Variants in THAP6 observed in about 807,000 individuals in gnomAD.
THAP6 encodes the protein THAP domain-containing protein 6.
In THAP6, 13 loss-of-function variants were observed where a neutral mutation model predicts 20.0. The ratio of observed to expected loss-of-function variants is 0.65; its 90% CI spans 0.42 to 1.03. The LOEUF is 1.03. Among genes scored for constraint, THAP6 ranks in the 50% least tolerant of loss-of-function variants. The probability of loss-of-function intolerance (pLI) is 0.00; values close to 1 mark genes in which losing one functional copy is unlikely to be tolerated. For synonymous variants in THAP6, 93 were observed against 92.2 expected (o/e 1.01, Z -0.05); for missense variants, 262 against 261.6 (o/e 1.00, Z -0.01).
Position 75,538,923 on chromosome 4 carries a change from G to A in THAP6, c.166-3486G>A, listed in dbSNP as rs558820649. Among the ~76,000 whole-genome samples, 9 of 152,276 alleles carry A rather than the reference G, an allele frequency of 5.9e-5. No individual in the cohort carries two copies. In the East Asian group the frequency reaches 1.5e-3, roughly 26 times the overall value. On this transcript the variant is annotated intron_variant, in intron 2 of 4. Coordinates refer to the THAP6 transcript ENST00000502620. ...TTTGTAATCTAAGAACCACATGAGGGTCCATGATGAGCACTAGTCACAGCA... is the reference window on the plus strand; with the variant it reads ...TTTGTAATCTAAGAACCACATGAGGATCCATGATGAGCACTAGTCACAGCA...
intron 3 of THAP6, chr4:75,544,207 ACT>A (rs1727075253): frequency 1.3e-5 from 2 of 151,214 alleles, no homozygotes; most frequent in African/African-American, 4.9e-5. Context: ...CCACACCCTC[ACT>A]CTCTCCCCTC....
rs991994292 is a variant in THAP6, at chr4:75,529,362, C to T, written c.*2148C>T. On this transcript the variant is annotated 3_prime_UTR_variant, in exon 5 of 5. Transcript: ENST00000311638. ...TCCCAGTCTGCCACTATCAAAATTG[C>T]CACAGTCACTTTTACTACTTGTGTT... 1 of 985,404 alleles carries T rather than the reference C, an allele frequency of 1.0e-6. No homozygotes were observed. Among genetic ancestry groups the T allele is most frequent in the Non-Finnish European group, 1.2e-6 (1 of 829,928 alleles). 61.0% of individuals were successfully genotyped at this position (985,404 alleles called of 1,614,324 possible).
At chr4:75,534,607 C>T (rs1354699327), downstream of THAP6, among the ~76,000 whole-genome samples, 15 of 152,090 alleles carry the variant, frequency 9.9e-5, no homozygotes, top group African/African-American at 2.7e-4. Flanking sequence ...AAAGAAACTA[C>T]CATCAGAGTG....
At chr4:75,519,388 T>C (rs910395728) in intron 3 of THAP6, among the ~76,000 whole-genome samples, 2 of 152,002 alleles carry the variant, frequency 1.3e-5, no homozygotes, top group African/African-American at 4.8e-5. Context: ...GCAGGTTAGT[T>C]ACATATGTAT....
downstream of THAP6, among the ~76,000 whole-genome samples, chr4:75,531,069 A>G (rs996660355): frequency 1.3e-5 from 2 of 152,238 alleles, no homozygotes; most frequent in Admixed American, 6.5e-5. Flanking sequence ...CAAGGTTGCA[A>G]GGTTAGTTCT....
In THAP6 at chr4:75,539,725, C is replaced by T. The variant is rs1296268307; in HGVS notation, c.166-2684C>T. The T allele has an allele frequency of 2.4e-5, 32 of 1,332,458 alleles. No individual in the cohort carries two copies. The African/African-American group carries it at 3.1e-4, about 13-fold the overall frequency. The allele number at this position is 1,332,458 out of a possible 1,614,324, so 82.5% of individuals were successfully genotyped here. ...GGTCAACTTGCTGAACTTCTCTGAGCACTTACAAAGTAGACAATAGCACCT... is the reference window on the plus strand; with the variant it reads ...GGTCAACTTGCTGAACTTCTCTGAGTACTTACAAAGTAGACAATAGCACCT... On this transcript the variant is annotated intron_variant, in intron 2 of 4. Coordinates refer to the THAP6 transcript ENST00000502620.
At chr4:75,533,258 A>G (rs1407936688), downstream of THAP6, among the ~76,000 whole-genome samples, 3 of 152,206 alleles carry the variant, frequency 2.0e-5, no homozygotes, top group African/African-American at 4.8e-5. Flanking sequence ...AAATGCTGCC[A>G]GTTTCTTTAC....
chr4:75,525,806 T>A lies in THAP6; in HGVS notation c.415-1154T>A, dbSNP rs78208250. On this transcript the variant is annotated intron_variant, in intron 4 of 4. Transcript: ENST00000311638. Reference sequence around the variant, plus strand: ...ACAAGACTGTTTTGCATACTTAGTGTCCATGAATCTTGACATTTTCAAGTC... The same window carrying A: ...ACAAGACTGTTTTGCATACTTAGTGACCATGAATCTTGACATTTTCAAGTC... Among the ~76,000 whole-genome samples, 645 of 152,344 alleles carry A rather than the reference T, an allele frequency of 4.2e-3. 3 individuals are homozygous for A. Among genetic ancestry groups the A allele is most frequent in the African/African-American group, 0.015 (621 of 41,574 alleles).
downstream of THAP6, among the ~76,000 whole-genome samples, chr4:75,532,579 C>T (rs575077759): frequency 6.6e-6 from 1 of 152,340 alleles, no homozygotes; most frequent in East Asian, 1.9e-4. Flanking sequence ...CTCCACATTT[C>T]CCTTCTGCAC....
At chr4:75,522,057 A>G in intron 4 of THAP6, 196 bp downstream of exon 4, 1 of 585,484 alleles carries the variant, frequency 1.7e-6, no homozygotes, top group Non-Finnish European at 2.8e-6. Flanking sequence ...CTTTGGTTAC[A>G]TATGTAGTTC....
intron 1 of THAP6, 90 bp from the exon 2 acceptor site, chr4:75,515,343 G>C: frequency 1.6e-6 from 2 of 1,222,030 alleles, no homozygotes; most frequent in Non-Finnish European, 2.4e-6. Flanking sequence ...TTTCTATCCT[G>C]ATTTTGTGTT....
At position 75,528,032 on chromosome 4, in the gene THAP6, C is replaced by A. The variant is rs1726489495; in HGVS notation, c.*818C>A. The A allele has an allele frequency of 2.5e-5, 25 of 984,966 alleles. No homozygotes were observed. The highest frequency in any genetic ancestry group is 3.0e-5 in the Non-Finnish European group (25 of 829,528). The allele number at this position is 984,966 out of a possible 1,614,324, so 61.0% of individuals were successfully genotyped here. On this transcript the variant is annotated 3_prime_UTR_variant, in exon 5 of 5. Coordinates refer to ENST00000311638, the MANE Select transcript of THAP6 (RefSeq NM_144721.6). The stretch of plus-strand genomic sequence containing the variant: ...CAGTACTAGCTCTATACTTTTAATA[C>A]TGCTTTGTATTTTATATGTAAAGTA...
At chr4:75,539,783 C>A (rs1027645961) in intron 2 of THAP6, 2 of 1,519,346 alleles carry the variant, frequency 1.3e-6, no homozygotes, top group Non-Finnish European at 1.8e-6. Context: ...TATTTCATTG[C>A]GTATAAAACG....
intron 4 of THAP6, among the ~76,000 whole-genome samples, chr4:75,524,303 T>C (rs1453590536): frequency 6.6e-6 from 1 of 152,242 alleles, no homozygotes; most frequent in African/African-American, 2.4e-5. Context: ...ACACCATTAT[T>C]GTTATTATTT....
At chr4:75,541,537 T>C (rs942976166) in intron 2 of THAP6, among the ~76,000 whole-genome samples, 2 of 151,776 alleles carry the variant, frequency 1.3e-5, no homozygotes, top group Non-Finnish European at 2.9e-5. Flanking sequence ...GGGGGTTATA[T>C]ACTTCCTGGG....
chr4:75,539,809 G>A, intron 2 of THAP6: 1 of 1,535,254 alleles, frequency 6.5e-7, no homozygotes, highest in Non-Finnish European at 8.7e-7. Context: ...CATACAATGA[G>A]CCATCCACAT....
chr4:75,537,296 C>T (rs1268145487), intron 2 of THAP6, among the ~76,000 whole-genome samples: 1 of 152,106 alleles, frequency 6.6e-6, no homozygotes, highest in Non-Finnish European at 1.5e-5. Flanking sequence ...GGCTCAGTGT[C>T]CCCACCCAAA....
At chr4:75,542,464 C>A in exon 3 of THAP6, 1 of 702,376 alleles carries the variant, frequency 1.4e-6, no homozygotes, top group Non-Finnish European at 2.6e-6. Context: ...TTCTCAGTAA[C>A]CATCATAGCT....
intron 2 of THAP6, among the ~76,000 whole-genome samples, chr4:75,541,104 T>C (rs960056663): frequency 2.0e-5 from 3 of 152,156 alleles, no homozygotes; most frequent in Non-Finnish European, 2.9e-5. Context: ...ATGTATTCTA[T>C]ATATTAAAAC....
Sources: gnomAD v4.1 joint callset for allele counts (sites outside exome capture counted in the v4.1 genomes callset) on GRCh38, gnomAD v4.1.1 for gene constraint, MANE v1.5 for transcripts, NCBI Gene and HGNC (gene_info 2026-07-23, HGNC 2026-07-21) for gene names.